CALD1: variants seen among roughly 807,000 people sequenced by gnomAD.
The protein encoded by CALD1 is caldesmon 1.
Under a neutral mutation model 99.9 loss-of-function variants are expected in CALD1, and 33 were observed. The ratio of observed to expected loss-of-function variants is 0.33; its 90% CI spans 0.25 to 0.44. The LOEUF is 0.44. Ranked by LOEUF, CALD1 falls within the 20% of genes least tolerant of loss-of-function variation. The pLI is 1.00. For synonymous variants in CALD1, 310 were observed against 325.0 expected (o/e 0.95, Z 0.50); for missense variants, 861 against 962.1 (o/e 0.89, Z 1.39).
At chr7:134,861,644 C>T (rs1262552134) in intron 2 of CALD1, among the ~76,000 whole-genome samples, 1 of 152,184 alleles carries the variant, frequency 6.6e-6, no homozygotes, top group Non-Finnish European at 1.5e-5. Context: ...CACTGTTATA[C>T]CCCAGTGTCG....
chr7:134,727,136 T>G, the CALD1 span, among the ~76,000 whole-genome samples: 66 of 152,272 alleles, frequency 4.3e-4, no homozygotes, highest in African/African-American at 1.5e-3. Flanking sequence ...CTCATCAAGA[T>G]TTACAGGAAA....
At chr7:134,794,123 A>G (rs1441078039) in intron 1 of CALD1, among the ~76,000 whole-genome samples, 1 of 152,106 alleles carries the variant, frequency 6.6e-6, no homozygotes, top group Non-Finnish European at 1.5e-5. Flanking sequence ...CACACTTCAA[A>G]ATAAGCCACC....
intron 3 of CALD1, chr7:134,891,327 A>C (rs1802152595): frequency 8.8e-7 from 1 of 1,140,208 alleles, no homozygotes; most frequent in Non-Finnish European, 1.1e-6. Context: ...TGATCGCTAA[A>C]CATGATGGGC....
At chr7:134,965,819 T>G (rs1252234842) in intron 14 of CALD1, among the ~76,000 whole-genome samples, 1 of 127,422 alleles carries the variant, frequency 7.8e-6, no homozygotes, top group African/African-American at 3.1e-5. Context: ...AGCCTAAGAC[T>G]CAGGGTTGCT....
chr7:134,865,709 T>C (rs1371884716), intron 2 of CALD1, among the ~76,000 whole-genome samples: 1 of 152,164 alleles, frequency 6.6e-6, no homozygotes, highest in Non-Finnish European at 1.5e-5. Context: ...TTTTAAGTAT[T>C]CCAAGACACT....
intron 1 of CALD1, among the ~76,000 whole-genome samples, chr7:134,802,928 G>A (rs891757994): frequency 6.6e-6 from 1 of 152,214 alleles, no homozygotes; most frequent in Admixed American, 6.5e-5. Context: ...TGGAATTGCT[G>A]AGTCTAATGT....
At chr7:134,734,046 G>T in the CALD1 span, among the ~76,000 whole-genome samples, 1 of 151,834 alleles carries the variant, frequency 6.6e-6, no homozygotes, top group Non-Finnish European at 1.5e-5. Context: ...CCATTAATAT[G>T]CAGCAGTGAC....
At chr7:134,918,116 C>G (rs949200150) in intron 3 of CALD1, among the ~76,000 whole-genome samples, 16 of 152,176 alleles carry the variant, frequency 1.1e-4, no homozygotes, top group Admixed American at 9.2e-4. Context: ...CTGTCATGGA[C>G]TTATCCTTCC....
intron 1 of CALD1, among the ~76,000 whole-genome samples, chr7:134,802,787 G>T (rs1184877619): frequency 6.6e-6 from 1 of 152,186 alleles, no homozygotes; most frequent in African/African-American, 2.4e-5. Flanking sequence ...CACTGAAATT[G>T]CAACAGTTCC....
chr7:134,879,911 TCTC>T (rs1801518859), intron 3 of CALD1, among the ~76,000 whole-genome samples: 1 of 152,164 alleles, frequency 6.6e-6, no homozygotes, highest in Non-Finnish European at 1.5e-5. Context: ...GGGATAAAAA[TCTC>T]AGTAAAGTAC....
At chr7:134,827,385 A>G (rs1799040159) in intron 1 of CALD1, among the ~76,000 whole-genome samples, 1 of 152,184 alleles carries the variant, frequency 6.6e-6, no homozygotes, top group East Asian at 1.9e-4. Flanking sequence ...AAAAACAGAA[A>G]ATGGGCATTT....
chr7:134,935,688 G>C lies in CALD1; in HGVS notation c.1309G>C (p.Gly437Arg). ...KLQTAVLKKQGEEKGTKVQAK... is the reference protein window; with the variant it reads ...KLQTAVLKKQREEKGTKVQAK... ...CCTTACCATTCTTGAAAATAAAAAG[G>C]GAGAAGAGAAGGGAACTAAAGTGCA... Residue 437 changes from glycine (G) to arginine (R), a missense_variant and splice_region_variant, in exon 6 of 15, where the codon GGA becomes CGA. By Grantham distance (125) the Gly-to-Arg change is moderately radical. This residue lies in a region of CALD1 where 293 missense variants were observed against 262.7 expected (regional missense o/e 1.12). Transcript: ENST00000361675. 1 of 1,604,092 alleles carries C rather than the reference G, an allele frequency of 6.2e-7. No homozygotes were observed. Among genetic ancestry groups the C allele is most frequent in the Admixed American group, 1.7e-5 (1 of 58,292 alleles).
the CALD1 span, among the ~76,000 whole-genome samples, chr7:134,721,196 C>T: frequency 5.3e-5 from 8 of 152,140 alleles, no homozygotes; most frequent in Non-Finnish European, 7.3e-5. Context: ...GAAGAATGTT[C>T]CCCTTAGGGG....
At chr7:134,767,079 C>T (rs116167556) in intron 1 of CALD1, among the ~76,000 whole-genome samples, 93 of 152,184 alleles carry the variant, frequency 6.1e-4, no homozygotes, top group African/African-American at 2.1e-3. Context: ...CAGGAAGCAG[C>T]GTGAGGTGAA....
intron 13 of CALD1, chr7:134,962,199 GCAC>G (rs1324011638): frequency 2.0e-5 from 3 of 151,924 alleles, no homozygotes; most frequent in African/African-American, 7.3e-5. Context: ...TCTTTTATCA[GCAC>G]TTTAACTTGT....
At chr7:134,729,714 T>C in the CALD1 span, among the ~76,000 whole-genome samples, 12 of 152,330 alleles carry the variant, frequency 7.9e-5, no homozygotes, top group South Asian at 2.5e-3. Context: ...ACCAGCAGAT[T>C]CTTTCTGCTA....
In CALD1 at chr7:134,892,560, C is replaced by T. The variant is rs562236538; in HGVS notation, c.71+24756C>T. Among the ~76,000 whole-genome samples, 132 of 152,256 alleles carry T rather than the reference C, an allele frequency of 8.7e-4. 1 individual carries two copies. The highest frequency in any genetic ancestry group is 2.9e-3 in the African/African-American group (119 of 41,534). On this transcript the variant is annotated intron_variant, in intron 3 of 14. Coordinates refer to ENST00000361675, the MANE Select transcript of CALD1 (RefSeq NM_033138.4). ...TTCCAGCGTTTGTGCAACAGTTAAT[C>T]AAATAAACAGAGAAACTCATCAGGG...
chr7:134,858,035 G>A (rs1451350414), intron 2 of CALD1, among the ~76,000 whole-genome samples: 1 of 150,366 alleles, frequency 6.7e-6, no homozygotes. Context: ...AGTGTTAGTT[G>A]AACAAACCAG....
intron 3 of CALD1, among the ~76,000 whole-genome samples, chr7:134,873,159 G>A (rs2132363870): frequency 6.6e-6 from 1 of 151,936 alleles, no homozygotes; most frequent in East Asian, 1.9e-4. Context: ...TGCACTACAA[G>A]CTGGGCGACA....
Sources: gnomAD v4.1 joint callset for allele counts (sites outside exome capture counted in the v4.1 genomes callset) on GRCh38, gnomAD v4.1.1 for gene constraint, gnomAD v4.1.1 regional missense constraint, MANE v1.5 for transcripts, NCBI Gene and HGNC (gene_info 2026-07-23, HGNC 2026-07-21) for gene names.